TCP11: variants seen among roughly 807,000 people sequenced by gnomAD.
TCP11 encodes T-complex protein 11 homolog.
A neutral mutation model predicts 45.0 loss-of-function variants in TCP11; 34 were observed. The ratio of observed to expected loss-of-function variants is 0.76; its 90% CI spans 0.57 to 1.01. TCP11 has a LOEUF of 1.01. Ranked by LOEUF, TCP11 falls within the 50% of genes least tolerant of loss-of-function variation. The pLI, the probability that TCP11 is intolerant of heterozygous loss-of-function variation, is 0.00. For missense variants in TCP11, 523 were observed against 598.1 expected (o/e 0.87, Z 1.31); for synonymous variants, 227 against 227.0 (o/e 1.00, Z 0.00).
At chr6:35,136,348 T>G (rs1781108052) in intron 2 of TCP11, 130 bp from the exon 3 acceptor site, 4 of 634,436 alleles carry the variant, frequency 6.3e-6, no homozygotes. Context: ...ACTATTCTAG[T>G]GATTTATGTT....
chr6:35,121,106 T>C (rs1266073462), intron 5 of TCP11, 61 bp from the exon 6 acceptor site: 1 of 1,501,512 alleles, frequency 6.7e-7, no homozygotes, highest in African/African-American at 1.4e-5. Flanking sequence ...CAAGGAGTCA[T>C]TAAATCACTG....
intron 3 of TCP11, among the ~76,000 whole-genome samples, chr6:35,133,672 C>T (rs1780715254): frequency 6.6e-6 from 1 of 152,022 alleles, no homozygotes; most frequent in Non-Finnish European, 1.5e-5. Context: ...CACCTGTAGT[C>T]CCAGCTACTC....
At chr6:35,119,455 G>A in intron 8 of TCP11, 64 bp from the exon 9 acceptor site, 8 of 1,577,526 alleles carry the variant, frequency 5.1e-6, no homozygotes, top group Non-Finnish European at 6.9e-6. Flanking sequence ...CCAGGGCCCA[G>A]CATGCTGTAT....
chr6:35,140,525 G>A (rs747363816), intron 2 of TCP11: 1 of 654,682 alleles, frequency 1.5e-6, no homozygotes, highest in South Asian at 1.5e-5. Flanking sequence ...AATCTTGTCA[G>A]ATTCAAGTAA....
intron 4 of TCP11, among the ~76,000 whole-genome samples, chr6:35,126,763 A>C (rs1451604631): frequency 1.3e-5 from 2 of 149,318 alleles, no homozygotes; most frequent in Admixed American, 6.8e-5. Context: ...GGCTCCAGCA[A>C]TCCTTCCGTG....
intron 3 of TCP11, among the ~76,000 whole-genome samples, chr6:35,134,568 T>C (rs903399750): frequency 3.3e-5 from 5 of 152,058 alleles, no homozygotes; most frequent in African/African-American, 4.8e-5. Context: ...CGTGAGCCAC[T>C]GCGCCTGGCC....
At chr6:35,128,723 C>T (rs937253407) in intron 4 of TCP11, 3 of 184,930 alleles carry the variant, frequency 1.6e-5, no homozygotes, top group Non-Finnish European at 3.3e-5. Flanking sequence ...GCAGCATACA[C>T]AGGCCAGTAA....
chr6:35,138,782 T>G (rs753947197), intron 2 of TCP11, among the ~76,000 whole-genome samples: 1 of 152,236 alleles, frequency 6.6e-6, no homozygotes, highest in African/African-American at 2.4e-5. Context: ...TGAGATGATG[T>G]GTACCGCATT....
chr6:35,133,704 C>T (rs763759420), intron 3 of TCP11, among the ~76,000 whole-genome samples: 5 of 151,868 alleles, frequency 3.3e-5, no homozygotes, highest in Non-Finnish European at 7.4e-5. Context: ...GCAAGAGAAT[C>T]GCTTGAACCC....
intron 4 of TCP11, among the ~76,000 whole-genome samples, chr6:35,126,033 T>G (rs1291944132): frequency 1.3e-5 from 2 of 152,212 alleles, no homozygotes; most frequent in African/African-American, 4.8e-5. Flanking sequence ...ACAAAATTTC[T>G]GTTAGGGAAG....
intron 4 of TCP11, among the ~76,000 whole-genome samples, chr6:35,126,433 C>T (rs1779829192): frequency 6.6e-6 from 1 of 152,180 alleles, no homozygotes. Context: ...TGCATTGCAT[C>T]TGCTCAAGGA....
chr6:35,135,870 A>C (rs1348377146), intron 3 of TCP11, among the ~76,000 whole-genome samples: 1 of 152,206 alleles, frequency 6.6e-6, no homozygotes, highest in African/African-American at 2.4e-5. Context: ...AATCCACCAT[A>C]TTTATTCCAA....
chr6:35,121,528 G>C (rs569110595), intron 5 of TCP11, among the ~76,000 whole-genome samples: 1 of 149,950 alleles, frequency 6.7e-6, no homozygotes, highest in South Asian at 2.1e-4. Context: ...GAAAGGGCCC[G>C]AGGGCTGGGC....
chr6:35,132,623 T>G (rs1321615505), intron 3 of TCP11, among the ~76,000 whole-genome samples: 1 of 152,230 alleles, frequency 6.6e-6, no homozygotes, highest in African/African-American at 2.4e-5. Flanking sequence ...CCTATGAACC[T>G]AAGGTAAAGC....
Position 35,140,904 on chromosome 6 carries a change from G to T in TCP11, c.-14-20C>A. The T allele has an allele frequency of 6.5e-7, 1 of 1,539,246 alleles. No individual in the cohort carries two copies. The highest frequency in any genetic ancestry group is 8.7e-7 in the Non-Finnish European group (1 of 1,148,226). ...TGGTATCTGGGTGAGGGAGAAAGGC[G>T]TGTTGTTGGCGTCGGGGAAGGGGCC... On this transcript the variant is annotated intron_variant, in intron 1 of 9. Coordinates refer to ENST00000311875, the MANE Select transcript of TCP11 (RefSeq NM_001370687.1).
At chr6:35,130,283 C>T (rs1406260712) in intron 3 of TCP11, among the ~76,000 whole-genome samples, 1 of 152,020 alleles carries the variant, frequency 6.6e-6, no homozygotes, top group African/African-American at 2.4e-5. Flanking sequence ...TATAGGTAAC[C>T]TTGAGTTTGG....
chr6:35,127,198 T>C (rs1779922062), intron 4 of TCP11, among the ~76,000 whole-genome samples: 1 of 151,584 alleles, frequency 6.6e-6, no homozygotes, highest in South Asian at 2.1e-4. Context: ...ACCAAAAGGG[T>C]AAAAAAAGGA....
At chr6:35,135,620 TA>T (rs35859439) in intron 3 of TCP11, among the ~76,000 whole-genome samples, 148 of 121,516 alleles carry the variant, frequency 1.2e-3, no homozygotes, top group Middle Eastern at 4.2e-3. Flanking sequence ...ACCCCATCTC[TA>T]AAAAAAAAAA....
intron 3 of TCP11, among the ~76,000 whole-genome samples, chr6:35,134,273 C>CT (rs34368428): frequency 0.011 from 1,171 of 105,082 alleles, 7 homozygotes; most frequent in East Asian, 0.025. Flanking sequence ...CACCCATAAG[C>CT]TTTTTTTTTT....
Sources: gnomAD v4.1 joint callset for allele counts (sites outside exome capture counted in the v4.1 genomes callset) on GRCh38, gnomAD v4.1.1 for gene constraint, MANE v1.5 for transcripts, NCBI Gene and HGNC (gene_info 2026-07-23, HGNC 2026-07-21) for gene names.